The following HIBADH variants were observed in gnomAD, a reference collection of about 807,000 sequenced individuals.
HIBADH encodes the protein 3-hydroxyisobutyrate dehydrogenase, mitochondrial.
Under a neutral mutation model 36.1 loss-of-function variants are expected in HIBADH, and 25 were observed. That is an observed-to-expected ratio of 0.69 (90% CI 0.50 to 0.97). The LOEUF (loss-of-function observed/expected upper bound fraction) is 0.97, where lower values mean the gene tolerates loss of function less well. Among genes scored for constraint, HIBADH ranks in the 50% least tolerant of loss-of-function variants. HIBADH has a pLI of 0.00. For synonymous variants in HIBADH, 160 were observed against 149.5 expected (o/e 1.07, Z -0.51); for missense variants, 421 against 418.0 (o/e 1.01, Z -0.06).
At chr7:27,607,699 A>G (rs1785253676) in intron 4 of HIBADH, among the ~76,000 whole-genome samples, 1 of 152,132 alleles carries the variant, frequency 6.6e-6, no homozygotes. Flanking sequence ...ACAGTAAACT[A>G]ACTAGCCTCC....
At chr7:27,538,873 C>T (rs952428627) in intron 5 of HIBADH, among the ~76,000 whole-genome samples, 1 of 152,038 alleles carries the variant, frequency 6.6e-6, no homozygotes, top group Non-Finnish European at 1.5e-5. Flanking sequence ...TGAAATCATC[C>T]TTTAGGAGGC....
intron 4 of HIBADH, among the ~76,000 whole-genome samples, chr7:27,567,369 C>T (rs1309368121): frequency 6.6e-6 from 1 of 152,088 alleles, no homozygotes; most frequent in African/African-American, 2.4e-5. Context: ...AATCTACCTA[C>T]ATCATTATAT....
chr7:27,593,144 G>T (rs547555866), intron 4 of HIBADH, among the ~76,000 whole-genome samples: 19 of 152,236 alleles, frequency 1.2e-4, no homozygotes, highest in Middle Eastern at 3.4e-3. Context: ...ATTAATACAG[G>T]TTGAAAGGAT....
chr7:27,531,931 CTTAT>C (rs1177604904), intron 6 of HIBADH, among the ~76,000 whole-genome samples: 8 of 152,200 alleles, frequency 5.3e-5, no homozygotes, highest in South Asian at 4.2e-4. Context: ...CAAACTTTTC[CTTAT>C]TTATTAAATC....
At position 27,640,722 on chromosome 7, in the gene HIBADH, CAG is replaced by C. The variant is rs1227091811; in HGVS notation, c.253-8279_253-8278del. 3.3e-5 allele frequency among the ~76,000 whole-genome samples: 5 copies of C among 152,138 alleles called. No homozygotes were observed. The East Asian group carries it at 7.7e-4, about 23-fold the overall frequency. On this transcript the variant is annotated intron_variant, in intron 2 of 7. Transcript: ENST00000265395. ...AGGCTATTTCATGTTGCACGAACAT[CAG>C]AGAGAGCACTTACAGACCTTCATGG... is the stretch of plus-strand genomic sequence containing the variant.
At position 27,559,545 on chromosome 7, in the gene HIBADH, T is replaced by C. The variant is rs186042130; in HGVS notation, c.485-16445A>G. ...TTCTTAGGAGGCTGAAGCAGAAGCATCACTTGAGCCCAGGAGGTTGAGGCT... is the reference window on the plus strand; with the variant it reads ...TTCTTAGGAGGCTGAAGCAGAAGCACCACTTGAGCCCAGGAGGTTGAGGCT... On this transcript the variant is annotated intron_variant, in intron 4 of 7. Transcript: ENST00000265395. 1.2e-3 allele frequency among the ~76,000 whole-genome samples: 188 copies of C among 152,194 alleles called. 1 individual carries two copies. The highest frequency in any genetic ancestry group is 4.4e-3 in the African/African-American group (182 of 41,530).
Position 27,581,483 on chromosome 7 carries a change from T to C in HIBADH, c.485-38383A>G, listed in dbSNP as rs552875004. Among the ~76,000 whole-genome samples the C allele has an allele frequency of 5.9e-5, 9 of 152,304 alleles. No homozygotes were observed. In the South Asian group the frequency reaches 1.2e-3, roughly 21 times the overall value. On this transcript the variant is annotated intron_variant, in intron 4 of 7. Transcript: ENST00000265395. ...CTATAATTGCTTATCTTCCTAAAAT[T>C]TGAAATTCCCTTCCTTTAGAATTAT... is the stretch of plus-strand genomic sequence containing the variant.
intron 2 of HIBADH, among the ~76,000 whole-genome samples, chr7:27,646,052 C>T (rs1175881240): frequency 6.6e-6 from 1 of 152,166 alleles, no homozygotes; most frequent in Non-Finnish European, 1.5e-5. Flanking sequence ...AGATTTACCT[C>T]TGTGTTTTCT....
chr7:27,569,962 T>C (rs1234303340), intron 4 of HIBADH, among the ~76,000 whole-genome samples: 1 of 152,172 alleles, frequency 6.6e-6, no homozygotes, highest in Non-Finnish European at 1.5e-5. Flanking sequence ...CCACTTTCTC[T>C]GTCTCATAGA....
chr7:27,638,412 A>G (rs191327135), intron 2 of HIBADH, among the ~76,000 whole-genome samples: 31 of 151,690 alleles, frequency 2.0e-4, no homozygotes, highest in Non-Finnish European at 2.7e-4. Flanking sequence ...TGAAACTGGA[A>G]CCCTCCTTAT....
At chr7:27,559,216 T>C (rs904586787) in intron 4 of HIBADH, among the ~76,000 whole-genome samples, 2 of 152,198 alleles carry the variant, frequency 1.3e-5, no homozygotes, top group East Asian at 1.9e-4. Context: ...TTTAACTTCA[T>C]TACCTTTGTG....
intron 2 of HIBADH, among the ~76,000 whole-genome samples, chr7:27,633,149 A>T (rs1305066349): frequency 6.6e-6 from 1 of 152,196 alleles, no homozygotes; most frequent in Non-Finnish European, 1.5e-5. Context: ...TTTCTGCTTT[A>T]ATAATGACCA....
At chr7:27,636,596 A>G (rs1178738050) in intron 2 of HIBADH, among the ~76,000 whole-genome samples, 1 of 152,246 alleles carries the variant, frequency 6.6e-6, no homozygotes, top group African/African-American at 2.4e-5. Context: ...CAGGAACAAC[A>G]AAATGGTTTC....
intron 4 of HIBADH, among the ~76,000 whole-genome samples, chr7:27,627,263 A>G (rs936686763): frequency 5.3e-5 from 8 of 152,158 alleles, no homozygotes; most frequent in African/African-American, 1.9e-4. Context: ...AACCAGTCTC[A>G]AGACCTCAAC....
intron 4 of HIBADH, among the ~76,000 whole-genome samples, chr7:27,599,078 C>A (rs1358911682): frequency 6.6e-6 from 1 of 151,790 alleles, no homozygotes; most frequent in Admixed American, 6.6e-5. Flanking sequence ...TGTGATTGCT[C>A]CCATTCAAAA....
Position 27,537,630 on chromosome 7 carries a change from T to C in HIBADH, c.695+711A>G, listed in dbSNP as rs538726677. The stretch of plus-strand genomic sequence containing the variant: ...AAAATTAATTAGGTGATTAATCATA[T>C]GTAGCATTACTAACCCAAAAGATTA... On this transcript the variant is annotated intron_variant, in intron 6 of 7. Transcript: ENST00000265395. Among the ~76,000 whole-genome samples, 4 of 152,266 alleles carry C rather than the reference T, an allele frequency of 2.6e-5. No individual in the cohort carries two copies. In the South Asian group the frequency reaches 8.3e-4, roughly 32 times the overall value.
intron 4 of HIBADH, among the ~76,000 whole-genome samples, chr7:27,615,453 GAGC>G (rs1785408990): frequency 6.6e-6 from 1 of 152,074 alleles, no homozygotes; most frequent in South Asian, 2.1e-4. Flanking sequence ...TGAAGTCTAG[GAGC>G]ACAAGAGACG....
chr7:27,622,704 T>C (rs1785567709), intron 4 of HIBADH, among the ~76,000 whole-genome samples: 1 of 151,940 alleles, frequency 6.6e-6, no homozygotes, highest in African/African-American at 2.4e-5. Context: ...TCTAGAAACA[T>C]ACGACCTACC....
chr7:27,535,128 G>A (rs960212375), intron 6 of HIBADH, among the ~76,000 whole-genome samples: 3 of 151,218 alleles, frequency 2.0e-5, no homozygotes, highest in Admixed American at 1.3e-4. Flanking sequence ...GATTGACATG[G>A]TCTTAGATGT....
Sources: gnomAD v4.1 joint callset for allele counts (sites outside exome capture counted in the v4.1 genomes callset) on GRCh38, gnomAD v4.1.1 for gene constraint, MANE v1.5 for transcripts, NCBI Gene and HGNC (gene_info 2026-07-23, HGNC 2026-07-21) for gene names.